NOMO3: variants seen among roughly 807,000 people sequenced by gnomAD.
The protein encoded by NOMO3 is NODAL modulator 3.
Under a neutral mutation model 69.9 loss-of-function variants are expected in NOMO3, and 15 were observed. The ratio of observed to expected loss-of-function variants is 0.21; its 90% CI spans 0.14 to 0.33. The LOEUF (loss-of-function observed/expected upper bound fraction) is 0.33, where lower values mean the gene tolerates loss of function less well. Among genes scored for constraint, NOMO3 ranks in the 10% least tolerant of loss-of-function variants. The pLI is 1.00. For synonymous variants in NOMO3, 89 were observed against 301.9 expected (o/e 0.29, Z 7.31); for missense variants, 218 against 761.0 (o/e 0.29, Z 8.39).
chr16:16,267,733 C>T (rs1414229270), intron 16 of NOMO3, among the ~76,000 whole-genome samples: 1 of 143,758 alleles, frequency 7.0e-6, no homozygotes, highest in South Asian at 2.2e-4. Flanking sequence ...TGCACCCAAC[C>T]CTCTCTCTCT....
At chr16:16,268,224 G>A (rs1356357627) in intron 16 of NOMO3, among the ~76,000 whole-genome samples, 3 of 144,658 alleles carry the variant, frequency 2.1e-5, no homozygotes, top group Admixed American at 6.7e-5. Context: ...CTTTGTGTCC[G>A]TATGTTTTCG....
intron 15 of NOMO3, among the ~76,000 whole-genome samples, chr16:16,265,668 ATAT>A (rs1567566274): frequency 4.0e-5 from 1 of 24,906 alleles, no homozygotes; most frequent in Admixed American, 7.2e-4. Context: ...ATATATATAT[ATAT>A]TTTTTTTTTT....
intron 3 of NOMO3, among the ~76,000 whole-genome samples, chr16:16,240,388 C>G (rs1031222299): frequency 8.3e-5 from 12 of 144,594 alleles, no homozygotes; most frequent in Non-Finnish European, 1.5e-4. Flanking sequence ...AGTTACTTCC[C>G]CCGTGTCAGC....
rs1439840736 is a variant in NOMO3, at chr16:16,238,019, C to A, written c.255+1029C>A. On this transcript the variant is annotated intron_variant, in intron 2 of 30. Transcript: ENST00000399336. ...ACAATCCCATCCTCCCACATATAAACCTTTTATTTGGAAATACAGATTCAT... is the reference window on the plus strand; with the variant it reads ...ACAATCCCATCCTCCCACATATAAAACTTTTATTTGGAAATACAGATTCAT... Among the ~76,000 whole-genome samples, 3 of 142,032 alleles carry A rather than the reference C, an allele frequency of 2.1e-5. 1 individual carries two copies. Among genetic ancestry groups the A allele is most frequent in the African/African-American group, 8.6e-5 (3 of 34,720 alleles). The allele number at this position is 142,032 out of a possible 152,430, so 93.2% of individuals were successfully genotyped here. A position where few individuals can be genotyped will look rare whatever the true frequency, so the allele number is the denominator to read the frequency against.
At chr16:16,266,706 C>T in intron 15 of NOMO3, 2 of 475,096 alleles carry the variant, frequency 4.2e-6, no homozygotes, top group Non-Finnish European at 3.8e-6. Context: ...AGCTTCGTTA[C>T]TGACCAGTTG....
chr16:16,249,888 CTG>C (rs975251670), intron 6 of NOMO3, among the ~76,000 whole-genome samples: 7 of 143,028 alleles, frequency 4.9e-5, no homozygotes, highest in Non-Finnish European at 1.5e-5. Context: ...ACACTTTTCT[CTG>C]TGTTTATTGT....
In NOMO3 at chr16:16,232,687, G is replaced by C; in HGVS notation, c.21G>C (p.Ala7=). MLVGQG[A]GPLGPAVVTA... ...GGGCCATGCTGGTGGGCCAGGGCGC[G>C]GGGCCGCTGGGGCCCGCGGTGGTCA... The change falls in exon 1 of 31, where the codon GCG becomes GCC. Residue 7 remains alanine, a synonymous_variant. Transcript: ENST00000399336. 2 of 834,208 alleles carry C rather than the reference G, an allele frequency of 2.4e-6. No homozygotes were observed. The highest frequency in any genetic ancestry group is 3.1e-6 in the Non-Finnish European group (2 of 638,218). The allele number at this position is 834,208 out of a possible 1,614,324, so 51.7% of individuals were successfully genotyped here.
chr16:16,237,265 TG>T (rs2049334196), intron 2 of NOMO3, among the ~76,000 whole-genome samples: 1 of 144,386 alleles, frequency 6.9e-6, no homozygotes, highest in Non-Finnish European at 1.5e-5. Context: ...CAGTGAGTAG[TG>T]GCCAGGCGTG....
chr16:16,264,932 T>C, intron 14 of NOMO3, 111 bp from the exon 15 acceptor site: 1 of 665,056 alleles, frequency 1.5e-6, no homozygotes. Flanking sequence ...TATGTCTACA[T>C]ACACACCTGC....
intron 4 of NOMO3, among the ~76,000 whole-genome samples, chr16:16,243,920 T>C (rs2141249031): frequency 6.9e-6 from 1 of 144,656 alleles, no homozygotes; most frequent in South Asian, 2.2e-4. Context: ...TCCCTGTGGG[T>C]GAATTGAAGT....
rs1053060503 is a variant in NOMO3, at chr16:16,232,682, G to A, written c.16G>A (p.Gly6Ser). The A allele has an allele frequency of 1.2e-4, 109 of 877,938 alleles. No homozygotes were observed. The East Asian group carries it at 3.7e-3, about 30-fold the overall frequency. 54.4% of individuals were successfully genotyped at this position (877,938 alleles called of 1,614,324 possible). A position where few individuals can be genotyped will look rare whatever the true frequency, so the allele number is the denominator to read the frequency against. MLVGQ[G>S]AGPLGPAVVT... ...AGGTCGGGCCATGCTGGTGGGCCAG[G>A]GCGCGGGGCCGCTGGGGCCCGCGGT... The change falls in exon 1 of 31, where the codon GGC (glycine) becomes AGC (serine). Residue 6 changes from glycine to serine, a missense_variant. Physicochemically the swap from Gly to Ser is moderately conservative, Grantham distance 56. Coordinates refer to ENST00000399336, the MANE Select transcript of NOMO3 (RefSeq NM_001004067.4).
At chr16:16,270,294 A>G (rs1030345396) in intron 17 of NOMO3, 110 bp downstream of exon 17, 1 of 1,572,392 alleles carries the variant, frequency 6.4e-7, no homozygotes, top group Non-Finnish European at 8.6e-7. Flanking sequence ...TGAAAGAGGC[A>G]AGGTTAGGCC....
At chr16:16,259,023 G>C (rs2049542202) in intron 11 of NOMO3, among the ~76,000 whole-genome samples, 1 of 142,474 alleles carries the variant, frequency 7.0e-6, no homozygotes, top group Non-Finnish European at 1.5e-5. Context: ...TGGTTGTCTG[G>C]AGGAGATATG....
intron 16 of NOMO3, among the ~76,000 whole-genome samples, chr16:16,269,497 G>A (rs1246221257): frequency 7.1e-6 from 1 of 140,682 alleles, no homozygotes; most frequent in Admixed American, 6.9e-5. Flanking sequence ...AAACAGCAGG[G>A]TGGTTTTAGC....
intron 5 of NOMO3, among the ~76,000 whole-genome samples, chr16:16,245,663 C>T (rs1402420822): frequency 1.6e-5 from 2 of 127,216 alleles, no homozygotes; most frequent in Non-Finnish European, 3.1e-5. Flanking sequence ...GTTGAGGCTG[C>T]GGTGAGCCGT....
At position 16,240,516 on chromosome 16, in the gene NOMO3, G is replaced by A. The variant is rs1271359587; in HGVS notation, c.301+620G>A. On this transcript the variant is annotated intron_variant, in intron 3 of 30. Transcript: ENST00000399336. ...CTGGCACGTAATTAGCAAGTACTCAGTATTCAGAAACAGCCCTTCTGCACA... is the reference window on the plus strand; with the variant it reads ...CTGGCACGTAATTAGCAAGTACTCAATATTCAGAAACAGCCCTTCTGCACA... 1.4e-5 allele frequency among the ~76,000 whole-genome samples: 2 copies of A among 145,728 alleles called. 1 individual carries two copies. The highest frequency in any genetic ancestry group is 4.5e-4 in the East Asian group (2 of 4,474).
In NOMO3 at chr16:16,234,181, T is replaced by C. The variant is rs535779588; in HGVS notation, c.165+1350T>C. Among the ~76,000 whole-genome samples, 914 of 151,284 alleles carry C rather than the reference T, an allele frequency of 6.0e-3. 8 individuals are homozygous for C. Among genetic ancestry groups the C allele is most frequent in the African/African-American group, 0.021 (865 of 41,256 alleles). Reference sequence around the variant, plus strand: ...CATGTTTCTGGGTGCCCATGCCACCTCCTAGGTCTGCACTGGGGACAGGAC... The same window carrying C: ...CATGTTTCTGGGTGCCCATGCCACCCCCTAGGTCTGCACTGGGGACAGGAC... On this transcript the variant is annotated intron_variant, in intron 1 of 30. Transcript: ENST00000399336.
At position 16,241,461 on chromosome 16, in the gene NOMO3, A is replaced by G. The variant is rs2049373035; in HGVS notation, c.301+1565A>G. Among the ~76,000 whole-genome samples, 2 of 134,236 alleles carry G rather than the reference A, an allele frequency of 1.5e-5. 1 individual carries two copies. The allele number at this position is 134,236 out of a possible 152,430, so 88.1% of individuals were successfully genotyped here. ...GAGACTGAGTCTCGCTCTGTTGCCC[A>G]GGCTGGAGTGTGATCTCAGTTCACT... On this transcript the variant is annotated intron_variant, in intron 3 of 30. Transcript: ENST00000399336.
At chr16:16,249,581 CAAAA>C (rs771140259) in intron 6 of NOMO3, among the ~76,000 whole-genome samples, 2,313 of 49,862 alleles carry the variant, frequency 0.046, 27 homozygotes, top group Non-Finnish European at 0.052. Flanking sequence ...GACTCCATCT[CAAAA>C]AAAAAAAAAA....
Sources: gnomAD v4.1 joint callset for allele counts (sites outside exome capture counted in the v4.1 genomes callset) on GRCh38, gnomAD v4.1.1 for gene constraint, MANE v1.5 for transcripts, NCBI Gene and HGNC (gene_info 2026-07-23, HGNC 2026-07-21) for gene names.